Variants in SH3PXD2A observed in about 807,000 individuals in gnomAD.
SH3PXD2A encodes SH3 and PX domain-containing protein 2A.
Under a neutral mutation model 115.2 loss-of-function variants are expected in SH3PXD2A, and 32 were observed. That is an observed-to-expected ratio of 0.28 (90% CI 0.21 to 0.37). SH3PXD2A has a LOEUF of 0.37. Ranked by LOEUF, SH3PXD2A falls within the 10% of genes least tolerant of loss-of-function variation. SH3PXD2A has a pLI of 1.00. For missense variants in SH3PXD2A, 1,328 were observed against 1,498.7 expected, an observed-to-expected ratio of 0.89 and a Z score of 1.88; for synonymous variants, 610 against 629.1, an observed-to-expected ratio of 0.97 and a Z score of 0.45.
chr10:103,796,111 A>C (rs186668560), intron 2 of SH3PXD2A, among the ~76,000 whole-genome samples: 1 of 152,064 alleles, frequency 6.6e-6, no homozygotes, highest in Non-Finnish European at 1.5e-5. Context: ...TGTAATCCCA[A>C]CACTTTGGAA....
chr10:103,802,595 G>A (rs1310808522), intron 1 of SH3PXD2A, among the ~76,000 whole-genome samples: 1 of 152,238 alleles, frequency 6.6e-6, no homozygotes, highest in African/African-American at 2.4e-5. Flanking sequence ...CTGAGTTAGA[G>A]GAATGGGTGC....
chr10:103,827,774 T>C (rs755163147), intron 1 of SH3PXD2A, among the ~76,000 whole-genome samples: 1 of 152,232 alleles, frequency 6.6e-6, no homozygotes, highest in Non-Finnish European at 1.5e-5. Flanking sequence ...CATCTCTGCA[T>C]AGTCCTCAGA....
chr10:103,632,853 A>G (rs963474860), intron 8 of SH3PXD2A, among the ~76,000 whole-genome samples: 1 of 30,850 alleles, frequency 3.2e-5, no homozygotes, highest in South Asian at 1.4e-3. Context: ...GTGTGCCTGT[A>G]GTCCCAAGTA....
At chr10:103,632,071 G>A (rs1427989069) in intron 8 of SH3PXD2A, among the ~76,000 whole-genome samples, 2 of 152,104 alleles carry the variant, frequency 1.3e-5, no homozygotes, top group Non-Finnish European at 2.9e-5. Flanking sequence ...TGAGCCTGAG[G>A]TGAGAGGATG....
chr10:103,618,067 C>T (rs757725242), intron 10 of SH3PXD2A, among the ~76,000 whole-genome samples: 10 of 152,362 alleles, frequency 6.6e-5, no homozygotes, highest in South Asian at 2.1e-4. Context: ...GTGCCAACCA[C>T]GCAGCCGAGG....
At chr10:103,840,054 G>A (rs980410476) in intron 1 of SH3PXD2A, among the ~76,000 whole-genome samples, 2 of 152,244 alleles carry the variant, frequency 1.3e-5, no homozygotes, top group Non-Finnish European at 2.9e-5. Flanking sequence ...AGAGCCCAGC[G>A]CTGCTGACAG....
rs1352157111 is a variant in SH3PXD2A at position 103,855,509 on chromosome 10, C to G, written c.-243G>C. 2 of 151,532 alleles carry G rather than the reference C, an allele frequency of 1.3e-5. No individual in the cohort carries two copies. Among genetic ancestry groups the G allele is most frequent in the East Asian group, 3.9e-4 (2 of 5,070 alleles). 9.4% of individuals were successfully genotyped at this position (151,532 alleles called of 1,614,324 possible). A position where few individuals can be genotyped will look rare whatever the true frequency, so the allele number is the denominator to read the frequency against. ...CCGGCCTGCCGCGCGCCCCTTCACT[C>G]CCGCGCGGCCGCCGCGCTGCGCTCG... On this transcript the variant is annotated 5_prime_UTR_variant, in exon 1 of 15. Coordinates refer to ENST00000369774, the MANE Select transcript of SH3PXD2A (RefSeq NM_001394015.1).
intron 1 of SH3PXD2A, among the ~76,000 whole-genome samples, chr10:103,813,115 G>GA (rs551422565): frequency 2.0e-5 from 3 of 151,410 alleles, no homozygotes; most frequent in Non-Finnish European, 2.9e-5. Flanking sequence ...CTTGAGAAAA[G>GA]AAAAAAAAGA....
chr10:103,671,774 G>A lies in SH3PXD2A; in HGVS notation c.428-3122C>T, dbSNP rs915506788. ...ACAGGGGTGAAGGAGCAGTGGGGGG[G>A]AGGCGGGGGGCGCAGCCAAGTGAGC... On this transcript the variant is annotated intron_variant, in intron 6 of 14. Transcript: ENST00000369774. Among the ~76,000 whole-genome samples the A allele has an allele frequency of 4.6e-5, 7 of 152,116 alleles. No homozygotes were observed. In the South Asian group the frequency reaches 1.4e-3, roughly 31 times the overall value.
intron 1 of SH3PXD2A, among the ~76,000 whole-genome samples, chr10:103,851,887 T>A (rs1424742072): frequency 1.3e-5 from 2 of 152,170 alleles, no homozygotes; most frequent in Non-Finnish European, 2.9e-5. Flanking sequence ...TAGATACAAT[T>A]TCTTGTTTGT....
At chr10:103,689,649 G>C (rs1209381174) in intron 6 of SH3PXD2A, among the ~76,000 whole-genome samples, 1 of 152,090 alleles carries the variant, frequency 6.6e-6, no homozygotes, top group African/African-American at 2.4e-5. Flanking sequence ...TGGGCAACAG[G>C]GGAGAATCTG....
At chr10:103,821,459 G>A (rs969720733) in intron 1 of SH3PXD2A, among the ~76,000 whole-genome samples, 1 of 152,072 alleles carries the variant, frequency 6.6e-6, no homozygotes, top group African/African-American at 2.4e-5. Flanking sequence ...GATTTCCTGG[G>A]AATTCTAACA....
intron 5 of SH3PXD2A, among the ~76,000 whole-genome samples, chr10:103,710,955 G>A (rs905500225): frequency 3.3e-5 from 5 of 152,222 alleles, no homozygotes; most frequent in Non-Finnish European, 1.5e-5. Flanking sequence ...AGGATTGCTT[G>A]AGCCCAGCAG....
At chr10:103,814,549 GT>G (rs1200210684) in intron 1 of SH3PXD2A, among the ~76,000 whole-genome samples, 7 of 152,184 alleles carry the variant, frequency 4.6e-5, no homozygotes, top group Non-Finnish European at 8.8e-5. Flanking sequence ...GGAAGGGGCT[GT>G]CTTGTGAAGT....
At chr10:103,767,210 C>A in intron 2 of SH3PXD2A, 41 bp from the exon 3 acceptor site, 1 of 1,482,032 alleles carries the variant, frequency 6.7e-7, no homozygotes, top group South Asian at 1.1e-5. Flanking sequence ...TTCAGAAGAC[C>A]AGAACATTCC....
At chr10:103,800,457 C>A (rs1181235405) in intron 2 of SH3PXD2A, among the ~76,000 whole-genome samples, 2 of 152,194 alleles carry the variant, frequency 1.3e-5, no homozygotes, top group Non-Finnish European at 2.9e-5. Flanking sequence ...TGTGAGGTAA[C>A]AGAAGCTGAG....
chr10:103,639,886 G>C (rs943578405), intron 8 of SH3PXD2A, among the ~76,000 whole-genome samples: 2 of 152,206 alleles, frequency 1.3e-5, no homozygotes, highest in African/African-American at 4.8e-5. Flanking sequence ...CAGGGAAGGA[G>C]AGTGGGGCGG....
intron 1 of SH3PXD2A, among the ~76,000 whole-genome samples, chr10:103,852,937 G>A (rs140042550): frequency 6.6e-6 from 1 of 152,268 alleles, no homozygotes; most frequent in African/African-American, 2.4e-5. Flanking sequence ...ACCCAATCTG[G>A]CTCTCCATTT....
At chr10:103,778,380 G>A (rs557227033) in intron 2 of SH3PXD2A, among the ~76,000 whole-genome samples, 3 of 152,176 alleles carry the variant, frequency 2.0e-5, no homozygotes, top group Non-Finnish European at 4.4e-5. Flanking sequence ...CTTTAACACA[G>A]GCCAGGCACA....
Sources: gnomAD v4.1 joint callset for allele counts (sites outside exome capture counted in the v4.1 genomes callset) on GRCh38, gnomAD v4.1.1 for gene constraint, MANE v1.5 for transcripts, NCBI Gene and HGNC (gene_info 2026-07-23, HGNC 2026-07-21) for gene names.